ERBB4: variants seen among roughly 807,000 people sequenced by gnomAD.
ERBB4 encodes the protein erb-b2 receptor tyrosine kinase 4.
A neutral mutation model predicts 158.0 loss-of-function variants in ERBB4; 42 were observed. The observed-to-expected ratio is 0.27, with a 90% CI of 0.21 to 0.34. The LOEUF is 0.34. ERBB4 is among the 10% of genes least tolerant of loss of function. ERBB4 has a pLI of 1.00. For missense variants in ERBB4, 1,333 were observed against 1,624.1 expected (o/e 0.82, Z 3.08); for synonymous variants, 583 against 558.7 (o/e 1.04, Z -0.61).
rs543699488 is a variant in ERBB4 at position 211,718,958 on chromosome 2, C to T, written c.883+3435G>A. 1.8e-4 allele frequency among the ~76,000 whole-genome samples: 27 copies of T among 152,206 alleles called. 1 individual carries two copies. Among genetic ancestry groups the T allele is most frequent in the Admixed American group, 1.1e-3 (17 of 15,284 alleles). On this transcript the variant is annotated intron_variant, in intron 7 of 27. Coordinates refer to ENST00000342788, the MANE Select transcript of ERBB4 (RefSeq NM_005235.3). ...GAAACATCAGAAACAGCTGAGAAACCAGGGAATAGGTCCTACAGGGATAAG... is the reference window on the plus strand; with the variant it reads ...GAAACATCAGAAACAGCTGAGAAACTAGGGAATAGGTCCTACAGGGATAAG...
chr2:212,259,162 T>G (rs1032076494), intron 1 of ERBB4, among the ~76,000 whole-genome samples: 1 of 152,204 alleles, frequency 6.6e-6, no homozygotes, highest in East Asian at 1.9e-4. Flanking sequence ...AGGTGAGATA[T>G]GAATGTCAAT....
At chr2:211,384,897 G>A (rs567630573) in intron 27 of ERBB4, among the ~76,000 whole-genome samples, 1 of 151,962 alleles carries the variant, frequency 6.6e-6, no homozygotes, top group South Asian at 2.1e-4. Context: ...GGCCTAAAAG[G>A]TGCTAATAAT....
intron 3 of ERBB4, among the ~76,000 whole-genome samples, chr2:211,913,666 T>C (rs1376166540): frequency 7.0e-6 from 1 of 142,588 alleles, no homozygotes; most frequent in African/African-American, 3.0e-5. Context: ...TGTATGTGTG[T>C]ATGTGTGTGT....
intron 19 of ERBB4, among the ~76,000 whole-genome samples, chr2:211,576,824 G>A (rs545209200): frequency 6.6e-6 from 1 of 152,148 alleles, no homozygotes; most frequent in East Asian, 1.9e-4. Flanking sequence ...CTGAATGCAA[G>A]TAAACAAAAA....
intron 20 of ERBB4, among the ~76,000 whole-genome samples, chr2:211,437,971 A>G (rs957343950): frequency 1.3e-5 from 2 of 152,218 alleles, no homozygotes; most frequent in African/African-American, 4.8e-5. Context: ...TGGATGAAGT[A>G]GCCGATTTTA....
chr2:211,376,518 T>C lies in ERBB4; in HGVS notation c.*7097A>G, dbSNP rs909747722. 25 of 232,576 alleles carry C rather than the reference T, an allele frequency of 1.1e-4. No homozygotes were observed. Among genetic ancestry groups the C allele is most frequent in the African/African-American group, 5.5e-4 (25 of 45,284 alleles). The allele number at this position is 232,576 out of a possible 1,614,324, so 14.4% of individuals were successfully genotyped here. On this transcript the variant is annotated 3_prime_UTR_variant, in exon 28 of 28. Transcript: ENST00000342788. Reference sequence around the variant, plus strand: ...ACATTGATGGCTTACCAGCAAGGTATTTTTGCACCCCAATCCTTTGAAGAT... The same window carrying C: ...ACATTGATGGCTTACCAGCAAGGTACTTTTGCACCCCAATCCTTTGAAGAT...
chr2:211,428,388 C>T lies in ERBB4; in HGVS notation c.2719+20G>A, dbSNP rs1242755740. 1.3e-5 allele frequency: 18 copies of T among 1,435,318 alleles called. No individual in the cohort carries two copies. The highest frequency in any genetic ancestry group is 1.7e-5 in the Admixed American group (1 of 59,588). 88.9% of individuals were successfully genotyped at this position (1,435,318 alleles called of 1,614,324 possible). ...TATTTTTGCTTTACAAGCTTTAATTCGCAAAGAAGATTTATTTACCATAGC... is the reference window on the plus strand; with the variant it reads ...TATTTTTGCTTTACAAGCTTTAATTTGCAAAGAAGATTTATTTACCATAGC... On this transcript the variant is annotated intron_variant, in intron 22 of 27. Transcript: ENST00000342788.
At chr2:211,734,167 T>C (rs954551415) in intron 5 of ERBB4, among the ~76,000 whole-genome samples, 1 of 152,088 alleles carries the variant, frequency 6.6e-6, no homozygotes, top group South Asian at 2.1e-4. Flanking sequence ...CAAATATCTG[T>C]TGAAACAATA....
intron 3 of ERBB4, among the ~76,000 whole-genome samples, chr2:211,836,552 T>A (rs566733129): frequency 6.6e-6 from 1 of 151,984 alleles, no homozygotes; most frequent in Admixed American, 6.6e-5. Context: ...ACTTCCAGAG[T>A]CATAGAAGGA....
intron 19 of ERBB4, among the ~76,000 whole-genome samples, chr2:211,594,544 T>C (rs553326581): frequency 1.3e-5 from 2 of 152,328 alleles, no homozygotes; most frequent in African/African-American, 4.8e-5. Context: ...GAATGTTTAT[T>C]TGATGCCATA....
intron 12 of ERBB4, among the ~76,000 whole-genome samples, chr2:211,686,118 G>T (rs2072554477): frequency 1.3e-5 from 2 of 151,480 alleles, no homozygotes; most frequent in African/African-American, 4.9e-5. Flanking sequence ...TGCCTTATTT[G>T]CTAGGTAGAA....
chr2:211,551,041 C>G (rs1347349115), intron 20 of ERBB4, among the ~76,000 whole-genome samples: 2 of 152,010 alleles, frequency 1.3e-5, no homozygotes, highest in Non-Finnish European at 2.9e-5. Flanking sequence ...CTCACCGGCT[C>G]CAGTGATCCT....
intron 7 of ERBB4, among the ~76,000 whole-genome samples, chr2:211,718,984 G>A (rs1008773862): frequency 1.3e-5 from 2 of 152,182 alleles, no homozygotes; most frequent in Admixed American, 6.5e-5. Flanking sequence ...CAGGGATAAG[G>A]GGGCTTTCTG....
intron 1 of ERBB4, among the ~76,000 whole-genome samples, chr2:212,376,679 G>A (rs1038720043): frequency 2.6e-5 from 4 of 151,976 alleles, no homozygotes; most frequent in African/African-American, 9.7e-5. Context: ...ATTTTCTTCA[G>A]TTAATGATGT....
At chr2:212,075,229 A>G (rs1278440482) in intron 2 of ERBB4, among the ~76,000 whole-genome samples, 2 of 151,958 alleles carry the variant, frequency 1.3e-5, no homozygotes, top group Admixed American at 6.6e-5. Context: ...AGTTAATCCA[A>G]TTCTCATACA....
At position 211,416,860 on chromosome 2, in the gene ERBB4, G is replaced by A. The variant is rs1284719701; in HGVS notation, c.3135+3581C>T. On this transcript the variant is annotated intron_variant, in intron 25 of 27. Transcript: ENST00000342788. ...CTACACAGCTTTCCCACTCCTCTGCGGGCCTTTAAGTCTCTGCCAAAATGT... is the reference window on the plus strand; with the variant it reads ...CTACACAGCTTTCCCACTCCTCTGCAGGCCTTTAAGTCTCTGCCAAAATGT... Among the ~76,000 whole-genome samples, 5 of 150,514 alleles carry A rather than the reference G, an allele frequency of 3.3e-5. No homozygotes were observed. In the South Asian group the frequency reaches 6.3e-4, roughly 19 times the overall value.
chr2:212,187,595 T>A (rs555064514), intron 1 of ERBB4, among the ~76,000 whole-genome samples: 1 of 152,112 alleles, frequency 6.6e-6, no homozygotes, highest in African/African-American at 2.4e-5. Flanking sequence ...AATATCAGTC[T>A]TAAATATCAA....
chr2:212,409,523 T>A (rs1389277732), intron 1 of ERBB4, among the ~76,000 whole-genome samples: 1 of 152,140 alleles, frequency 6.6e-6, no homozygotes, highest in Non-Finnish European at 1.5e-5. Flanking sequence ...TGTAAGTGAA[T>A]TTTTTAGATT....
chr2:212,362,445 A>G (rs1199642062), intron 1 of ERBB4, among the ~76,000 whole-genome samples: 1 of 151,138 alleles, frequency 6.6e-6, no homozygotes, highest in African/African-American at 2.4e-5. Flanking sequence ...TGATGTCCTA[A>G]GAATTTAATA....
Sources: gnomAD v4.1 joint callset for allele counts (sites outside exome capture counted in the v4.1 genomes callset) on GRCh38, gnomAD v4.1.1 for gene constraint, MANE v1.5 for transcripts, NCBI Gene and HGNC (gene_info 2026-07-23, HGNC 2026-07-21) for gene names.